The following TOM1L1 variants were observed in gnomAD, a reference collection of about 807,000 sequenced individuals.
TOM1L1 encodes the protein TOM1-like protein 1.
A neutral mutation model predicts 63.4 loss-of-function variants in TOM1L1; 64 were observed. The observed-to-expected ratio is 1.01, with a 90% confidence interval of 0.83 to 1.24. The LOEUF is 1.24. Ranked by LOEUF, TOM1L1 falls within the 50% of genes most tolerant of loss-of-function variation. The pLI is 0.00. For synonymous variants in TOM1L1, 166 were observed against 194.4 expected, an observed-to-expected ratio of 0.85 and a Z score of 1.22; for missense variants, 536 against 567.0, an observed-to-expected ratio of 0.95 and a Z score of 0.55.
At chr17:54,917,299 T>G (rs2048606733) in intron 7 of TOM1L1, 1 of 152,182 alleles carries the variant, frequency 6.6e-6, no homozygotes, top group Admixed American at 6.5e-5. Flanking sequence ...CCAGTTGGAT[T>G]CATTTGTCTC....
intron 14 of TOM1L1, among the ~76,000 whole-genome samples, chr17:54,956,111 C>T (rs1018283570): frequency 6.6e-6 from 1 of 152,194 alleles, no homozygotes; most frequent in Admixed American, 6.5e-5. Context: ...GAGATTCATT[C>T]ATCTGGTAAT....
At chr17:54,930,414 T>A in intron 8 of TOM1L1, 1 of 552,912 alleles carries the variant, frequency 1.8e-6, no homozygotes, top group Non-Finnish European at 3.0e-6. Context: ...CTAGTTAAAG[T>A]GACATTTCAG....
intron 10 of TOM1L1, 43 bp from the exon 11 acceptor site, chr17:54,938,881 G>A: frequency 1.6e-6 from 2 of 1,213,036 alleles, no homozygotes; most frequent in East Asian, 2.5e-5. Context: ...ATAACTGACT[G>A]ACAAAATGTT....
chr17:54,906,470 CCTT>C (rs1451668151), intron 3 of TOM1L1, among the ~76,000 whole-genome samples: 9 of 140,694 alleles, frequency 6.4e-5, no homozygotes, highest in Non-Finnish European at 9.2e-5. Context: ...GAGCAAGACT[CCTT>C]CTCAAAAAAA....
At chr17:54,923,065 A>G (rs1300994874) in intron 7 of TOM1L1, among the ~76,000 whole-genome samples, 2 of 152,194 alleles carry the variant, frequency 1.3e-5, no homozygotes, top group African/African-American at 2.4e-5. Context: ...ATGTTGTAGC[A>G]TGTATCAGAA....
At chr17:54,958,785 C>G (rs2077028182) in intron 14 of TOM1L1, among the ~76,000 whole-genome samples, 1 of 145,824 alleles carries the variant, frequency 6.9e-6, no homozygotes, top group African/African-American at 2.5e-5. Flanking sequence ...AAGGCATTTA[C>G]TACAAGAAGA....
chr17:54,920,355 C>A (rs1235350252), intron 7 of TOM1L1, among the ~76,000 whole-genome samples: 2 of 152,194 alleles, frequency 1.3e-5, no homozygotes, highest in Non-Finnish European at 2.9e-5. Flanking sequence ...CCCAAACCAA[C>A]CAATATTCAC....
At chr17:54,944,601 A>G (rs1001015274) in intron 11 of TOM1L1, among the ~76,000 whole-genome samples, 1 of 152,154 alleles carries the variant, frequency 6.6e-6, no homozygotes, top group African/African-American at 2.4e-5. Flanking sequence ...TTGACAGTGA[A>G]GTCTCTTAGT....
At chr17:54,916,069 G>A in intron 7 of TOM1L1, 1 of 467,386 alleles carries the variant, frequency 2.1e-6, no homozygotes, top group Non-Finnish European at 3.8e-6. Flanking sequence ...TTAGCCTCTT[G>A]CAACAAATAA....
intron 8 of TOM1L1, among the ~76,000 whole-genome samples, chr17:54,931,964 GT>G (rs2048868880): frequency 1.3e-5 from 1 of 75,086 alleles, no homozygotes; most frequent in Admixed American, 1.2e-4. Context: ...TTTTTTGTTT[GT>G]TTGTTTGTTT....
In TOM1L1 at chr17:54,947,295, A is replaced by G. The variant is rs1055974893; in HGVS notation, c.1165A>G (p.Ser389Gly). 6.2e-7 allele frequency: 1 copy of G among 1,614,028 alleles called. No individual in the cohort carries two copies. Among genetic ancestry groups the G allele is most frequent in the Non-Finnish European group, 8.5e-7 (1 of 1,180,030 alleles). The part of the protein sequence containing the change: ...AQRTSQNLTS[S>G]HAYDNFLEHS... ...AAGGACCAGCCAAAACCTCACCTCAAGCCACGCATATGATAATGTAAGTAA... is the reference window on the plus strand; with the variant it reads ...AAGGACCAGCCAAAACCTCACCTCAGGCCACGCATATGATAATGTAAGTAA... Residue 389 changes from serine (S) to glycine (G), a missense_variant, in exon 12 of 16, where the codon AGC becomes GGC. Ser to Gly is a moderately conservative substitution (Grantham distance 56). Transcript: ENST00000575882.
chr17:54,956,548 A>G (rs1265566702), intron 14 of TOM1L1, among the ~76,000 whole-genome samples: 1 of 152,104 alleles, frequency 6.6e-6, no homozygotes, highest in African/African-American at 2.4e-5. Flanking sequence ...TCTCAAGTTC[A>G]TCTACCCACC....
At chr17:54,949,763 G>A in intron 13 of TOM1L1, 140 bp downstream of exon 13, 1 of 749,312 alleles carries the variant, frequency 1.3e-6, no homozygotes, top group Non-Finnish European at 2.2e-6. Context: ...CAAATTCAGG[G>A]CAGATACCAT....
At chr17:54,933,653 G>A (rs1187330264) in intron 8 of TOM1L1, among the ~76,000 whole-genome samples, 2 of 152,200 alleles carry the variant, frequency 1.3e-5, no homozygotes. Context: ...CTCCTGAGTA[G>A]CTGGGACGAC....
chr17:54,959,675 T>C (rs1266639052), intron 14 of TOM1L1, among the ~76,000 whole-genome samples: 10 of 150,370 alleles, frequency 6.7e-5, no homozygotes, highest in Non-Finnish European at 1.3e-4. Context: ...TGGAGTGCAG[T>C]GGCACGATCT....
At chr17:54,939,930 T>G (rs1431601810) in intron 11 of TOM1L1, among the ~76,000 whole-genome samples, 1 of 152,164 alleles carries the variant, frequency 6.6e-6, no homozygotes, top group African/African-American at 2.4e-5. Context: ...TTGCCCAAGT[T>G]TGTATAGCCA....
chr17:54,905,351 A>G (rs2048392740), intron 2 of TOM1L1, 138 bp from the exon 3 acceptor site: 2 of 597,298 alleles, frequency 3.3e-6, no homozygotes, highest in African/African-American at 3.8e-5. Context: ...TCATTCGCAT[A>G]GGGTCCCACA....
intron 3 of TOM1L1, among the ~76,000 whole-genome samples, chr17:54,908,071 T>G (rs2048440839): frequency 2.6e-5 from 4 of 152,188 alleles, no homozygotes; most frequent in Admixed American, 2.6e-4. Context: ...TAGTCTAATC[T>G]GCTCGCTGCC....
intron 10 of TOM1L1, 30 bp downstream of exon 10, chr17:54,937,256 A>G: frequency 6.7e-7 from 1 of 1,491,616 alleles, no homozygotes; most frequent in South Asian, 1.1e-5. Context: ...TTTTCAGACC[A>G]GCAGAAGAGC....
Sources: gnomAD v4.1 joint callset for allele counts (sites outside exome capture counted in the v4.1 genomes callset) on GRCh38, gnomAD v4.1.1 for gene constraint, MANE v1.5 for transcripts, NCBI Gene and HGNC (gene_info 2026-07-23, HGNC 2026-07-21) for gene names.